Variants in ELP2 observed in about 807,000 individuals in gnomAD.
ELP2 encodes the protein elongator complex protein 2.
In ELP2, 90 loss-of-function variants were observed where a neutral mutation model predicts 119.2. The observed-to-expected ratio is 0.75, with a 90% confidence interval of 0.64 to 0.90. The LOEUF (loss-of-function observed/expected upper bound fraction) is 0.90, where lower values mean the gene tolerates loss of function less well. Ranked by LOEUF, ELP2 falls within the 40% of genes least tolerant of loss-of-function variation. The pLI is 0.00. For synonymous variants in ELP2, 339 were observed against 331.0 expected (o/e 1.02, Z -0.26); for missense variants, 921 against 967.8 (o/e 0.95, Z 0.64).
At chr18:36,150,152 C>A (rs1447616813) in intron 11 of ELP2, among the ~76,000 whole-genome samples, 1 of 152,210 alleles carries the variant, frequency 6.6e-6, no homozygotes, top group Admixed American at 6.5e-5. Context: ...GGCCTTCCCA[C>A]CAGAGTCTGC....
At position 36,177,851 on chromosome 18, in the gene ELP2, C is replaced by T. The variant is rs2091260805; in HGVS notation, c.*3210C>T. The T allele has an allele frequency of 6.6e-6, 1 of 152,150 alleles. No individual in the cohort carries two copies. Among genetic ancestry groups the T allele is most frequent in the Non-Finnish European group, 1.5e-5 (1 of 68,024 alleles). 9.4% of individuals were successfully genotyped at this position (152,150 alleles called of 1,614,324 possible). A position where few individuals can be genotyped will look rare whatever the true frequency, so the allele number is the denominator to read the frequency against. ...ACTGGGAATTTTCAGTGTGGAGGGT[C>T]TGGCTCATAGCATTTCACAAACATT... On this transcript the variant is annotated 3_prime_UTR_variant, in exon 22 of 22. Coordinates refer to ENST00000358232, the MANE Select transcript of ELP2 (RefSeq NM_018255.4).
chr18:36,149,866 T>C (rs2090342654), intron 11 of ELP2, among the ~76,000 whole-genome samples: 2 of 152,322 alleles, frequency 1.3e-5, no homozygotes, highest in East Asian at 1.9e-4. Context: ...CGTCCATTTC[T>C]ACTTCTCTGT....
In ELP2 at chr18:36,176,940, G is replaced by A. The variant is rs563403101; in HGVS notation, c.*2299G>A. On this transcript the variant is annotated 3_prime_UTR_variant, in exon 22 of 22. Transcript: ENST00000358232. ...CATCACCAACAATGGGCCCTTTCCT[G>A]TCTGCCAGGAAAAGTTTTCTGTAGT... The A allele has an allele frequency of 1.3e-5, 2 of 152,148 alleles. No homozygotes were observed. Among genetic ancestry groups the A allele is most frequent in the African/African-American group, 2.4e-5 (1 of 41,522 alleles). The allele number at this position is 152,148 out of a possible 1,614,324, so 9.4% of individuals were successfully genotyped here.
In ELP2 at chr18:36,129,903, C is replaced by G. The variant is rs746804850; in HGVS notation, c.-31C>G. The G allele has an allele frequency of 1.2e-6, 2 of 1,614,042 alleles. No individual in the cohort carries two copies. The highest frequency in any genetic ancestry group is 1.7e-6 in the Non-Finnish European group (2 of 1,180,036). On this transcript the variant is annotated 5_prime_UTR_variant, in exon 1 of 22. Coordinates refer to ENST00000358232, the MANE Select transcript of ELP2 (RefSeq NM_018255.4). ...CCGCTCCGAGGGCGGAAGTGCGCGT[C>G]TCTTGTTTGTGCGGCTGACCAGTTG...
chr18:36,150,692 C>T (rs1169128552), intron 11 of ELP2, among the ~76,000 whole-genome samples: 3 of 152,196 alleles, frequency 2.0e-5, no homozygotes. Context: ...TCAGGCAATT[C>T]TGCTGGTTCC....
At chr18:36,146,425 G>GTACATTCTAGGTAAATAGTATTTTGCT in intron 11 of ELP2, 44 bp downstream of exon 11, 1 of 1,595,812 alleles carries the variant, frequency 6.3e-7, no homozygotes, top group Non-Finnish European at 8.6e-7. Flanking sequence ...ATCAAATAGA[G>GTACATTCTAGGTAAATAGTATTTTGCT]TACATTCTAG....
chr18:36,151,987 G>A (rs1038568965), intron 11 of ELP2, among the ~76,000 whole-genome samples: 3 of 151,208 alleles, frequency 2.0e-5, no homozygotes, highest in Admixed American at 6.6e-5. Context: ...CTGACCGCAA[G>A]TGACCCACCT....
chr18:36,146,119 T>C (rs996845526), intron 10 of ELP2, 71 bp downstream of exon 10: 7 of 1,560,024 alleles, frequency 4.5e-6, no homozygotes, highest in Middle Eastern at 1.7e-4. Flanking sequence ...CAAGTCTATA[T>C]TGATAGACCT....
rs961539707 is a variant in ELP2, at chr18:36,138,257, C to G, written c.289-13C>G. Reference sequence around the variant, plus strand: ...TTTTTTTCACAATGCTTCTGTCATTCTTTCTGATTCAGCTTTTAAAAGCAG... The same window carrying G: ...TTTTTTTCACAATGCTTCTGTCATTGTTTCTGATTCAGCTTTTAAAAGCAG... On this transcript the variant is annotated splice_polypyrimidine_tract_variant and intron_variant, in intron 3 of 21. Transcript: ENST00000358232. 6.2e-7 allele frequency: 1 copy of G among 1,613,770 alleles called. No homozygotes were observed. Among genetic ancestry groups the G allele is most frequent in the African/African-American group, 1.3e-5 (1 of 74,896 alleles).
At chr18:36,159,702 T>C in intron 14 of ELP2, 33 bp from the exon 15 acceptor site, 1 of 1,485,694 alleles carries the variant, frequency 6.7e-7, no homozygotes, top group Non-Finnish European at 9.4e-7. Flanking sequence ...ATAAAAATAG[T>C]GACTATATTC....
Position 36,142,339 on chromosome 18 carries a change from C to T in ELP2, c.647C>T (p.Ala216Val). 1 of 1,613,798 alleles carries T rather than the reference C, an allele frequency of 6.2e-7. No individual in the cohort carries two copies. The highest frequency in any genetic ancestry group is 8.5e-7 in the Non-Finnish European group (1 of 1,179,744). ...HEDWIRGVEW[A>V]AFGRDLFLAS... Reference sequence around the variant, plus strand: ...GATTGGATTAGAGGAGTGGAATGGGCAGCCTTTGGTCAGTATGAAATTTTG... The same window carrying T: ...GATTGGATTAGAGGAGTGGAATGGGTAGCCTTTGGTCAGTATGAAATTTTG... Residue 216 changes from alanine to valine, a missense_variant, in exon 7 of 22, where the codon GCA (alanine) becomes GTA (valine). Ala to Val is a moderately conservative substitution (Grantham distance 64). Transcript: ENST00000358232.
rs7232151 is a variant in ELP2, at chr18:36,155,233, G to A, written c.1275+234G>A. Among the ~76,000 whole-genome samples the A allele has an allele frequency of 7.6e-3, 1,092 of 144,596 alleles. 21 individuals carry two copies. Among genetic ancestry groups the A allele is most frequent in the African/African-American group, 0.026 (983 of 38,140 alleles). 94.9% of individuals were successfully genotyped at this position (144,596 alleles called of 152,430 possible). A position where few individuals can be genotyped will look rare whatever the true frequency, so the allele number is the denominator to read the frequency against. ...TCACCATGTTGGCCAGACTGGTCTC[G>A]AACTCCTGACCTCAGGTGATGCACC... On this transcript the variant is annotated intron_variant, in intron 12 of 21. Transcript: ENST00000358232.
intron 2 of ELP2, among the ~76,000 whole-genome samples, chr18:36,134,127 C>A (rs532404531): frequency 6.7e-4 from 102 of 151,934 alleles, no homozygotes; most frequent in Non-Finnish European, 1.3e-3. Context: ...CTGTACCCGG[C>A]CAGCTATTGC....
intron 11 of ELP2, among the ~76,000 whole-genome samples, chr18:36,149,168 T>G (rs1321658509): frequency 1.3e-5 from 2 of 152,232 alleles, no homozygotes; most frequent in African/African-American, 4.8e-5. Flanking sequence ...CAGCTGCTAT[T>G]TCTCCTTCTC....
At chr18:36,155,069 A>G (rs2090525091) in intron 12 of ELP2, 70 bp downstream of exon 12, 8 of 1,346,496 alleles carry the variant, frequency 5.9e-6, no homozygotes, top group African/African-American at 1.5e-5. Context: ...CTGAAGTGCA[A>G]TGGCACGATC....
At chr18:36,143,263 G>A (rs532382990) in intron 8 of ELP2, among the ~76,000 whole-genome samples, 3 of 151,856 alleles carry the variant, frequency 2.0e-5, no homozygotes, top group Non-Finnish European at 4.4e-5. Flanking sequence ...GGGATTACAG[G>A]CACGCACCAC....
At position 36,164,631 on chromosome 18, in the gene ELP2, T is replaced by G. The variant is rs565020636; in HGVS notation, c.1918T>G (p.Leu640Val). ...TGTTTCCAGAGATCGAACCTGGTCA[T>G]TGTGGAAAAAGCAGGATACAATCTC... is the stretch of plus-strand genomic sequence containing the variant. ...LAVSRDRTWSLWKKQDTISPE... is the reference protein window; with the variant it reads ...LAVSRDRTWSVWKKQDTISPE... Residue 640 changes from leucine (L) to valine (V), a missense_variant, in exon 18 of 22, where the codon TTG becomes GTG. Coordinates refer to ENST00000358232, the MANE Select transcript of ELP2 (RefSeq NM_018255.4). 15 of 1,614,048 alleles carry G rather than the reference T, an allele frequency of 9.3e-6. No homozygotes were observed. The South Asian group carries it at 1.6e-4, about 18-fold the overall frequency.
intron 9 of ELP2, 196 bp downstream of exon 9, chr18:36,145,230 G>A: frequency 1.8e-6 from 1 of 561,888 alleles, no homozygotes; most frequent in Non-Finnish European, 3.2e-6. Flanking sequence ...CTCCTAAGTG[G>A]GAAAAGTGTA....
intron 5 of ELP2, chr18:36,139,588 A>C (rs887234928): frequency 6.5e-7 from 1 of 1,534,438 alleles, no homozygotes; most frequent in South Asian, 1.2e-5. Context: ...ACAGAATTTC[A>C]TTTCTTCCAT....
Sources: allele counts gnomAD v4.1 joint callset (sites outside exome capture counted in the v4.1 genomes callset), GRCh38; gene constraint gnomAD v4.1.1; transcripts MANE v1.5; gene names NCBI Gene and HGNC (gene_info 2026-07-23, HGNC 2026-07-21).